NEK1: variants seen among roughly 807,000 people sequenced by gnomAD.
The protein encoded by NEK1 is serine/threonine-protein kinase Nek1.
NEK1 carries 137 observed loss-of-function variants against 182.1 expected under a neutral mutation model. That is an observed-to-expected ratio of 0.75 (90% CI 0.65 to 0.87). The LOEUF (loss-of-function observed/expected upper bound fraction) is 0.87, where lower values mean the gene tolerates loss of function less well. Among genes scored for constraint, NEK1 ranks in the 40% least tolerant of loss-of-function variants. The probability of loss-of-function intolerance (pLI) is 0.00; values close to 1 mark genes in which losing one functional copy is unlikely to be tolerated. For synonymous variants in NEK1, 513 were observed against 492.2 expected, an observed-to-expected ratio of 1.04 and a Z score of -0.56; for missense variants, 1,391 against 1,494.4, an observed-to-expected ratio of 0.93 and a Z score of 1.14.
chr4:169,560,784 A>C (rs1464415236), intron 16 of NEK1, among the ~76,000 whole-genome samples: 1 of 151,638 alleles, frequency 6.6e-6, no homozygotes, highest in African/African-American at 2.4e-5. Context: ...TGGAAAAAAA[A>C]CTTTTTTTTT....
At chr4:169,557,951 A>C (rs536568494) in intron 16 of NEK1, among the ~76,000 whole-genome samples, 1 of 152,216 alleles carries the variant, frequency 6.6e-6, no homozygotes, top group South Asian at 2.1e-4. Context: ...TAAATAAATA[A>C]AATAATAATA....
chr4:169,522,132 T>C (rs1392499319), intron 19 of NEK1, among the ~76,000 whole-genome samples: 1 of 152,238 alleles, frequency 6.6e-6, no homozygotes, highest in African/African-American at 2.4e-5. Flanking sequence ...TTCTATCTTC[T>C]GTCATCATCT....
At chr4:169,477,393 T>TA in intron 25 of NEK1, 39 bp downstream of exon 25, 1 of 1,565,604 alleles carries the variant, frequency 6.4e-7, no homozygotes, top group Non-Finnish European at 8.7e-7. Flanking sequence ...TGTATATCAT[T>TA]AAGTAAAATG....
At chr4:169,587,519 T>A in intron 9 of NEK1, 40 bp downstream of exon 9, 1 of 1,147,268 alleles carries the variant, frequency 8.7e-7, no homozygotes. Context: ...TAGTCGCTTT[T>A]TAACATAACT....
chr4:169,476,338 A>C (rs1165281151), intron 26 of NEK1, among the ~76,000 whole-genome samples: 1 of 152,104 alleles, frequency 6.6e-6, no homozygotes, highest in Non-Finnish European at 1.5e-5. Context: ...GTATTTATCA[A>C]CTACAATTAT....
intron 32 of NEK1, among the ~76,000 whole-genome samples, chr4:169,404,221 A>C (rs547247572): frequency 1.3e-5 from 2 of 152,168 alleles, no homozygotes; most frequent in Non-Finnish European, 2.9e-5. Context: ...ATGTTCTCCA[A>C]TAGGATTAAT....
At chr4:169,481,264 G>A (rs1168972020) in intron 23 of NEK1, among the ~76,000 whole-genome samples, 3 of 152,094 alleles carry the variant, frequency 2.0e-5, no homozygotes, top group Admixed American at 6.6e-5. Context: ...TGTTAATGTT[G>A]ACATTAACAT....
chr4:169,593,350 G>C (rs1459360919), intron 5 of NEK1, among the ~76,000 whole-genome samples: 1 of 152,150 alleles, frequency 6.6e-6, no homozygotes, highest in African/African-American at 2.4e-5. Flanking sequence ...AACAGAGATA[G>C]GGGGCCAAAT....
intron 27 of NEK1, 99 bp downstream of exon 27, chr4:169,463,144 T>C: frequency 1.5e-6 from 1 of 655,048 alleles, no homozygotes; most frequent in Non-Finnish European, 2.2e-6. Context: ...AGAAAGATAA[T>C]TAAAAATAAT....
intron 18 of NEK1, among the ~76,000 whole-genome samples, chr4:169,543,260 CTTGT>C (rs1444413093): frequency 6.6e-6 from 1 of 152,032 alleles, no homozygotes; most frequent in Non-Finnish European, 1.5e-5. Context: ...TTCCCCACCA[CTTGT>C]TTATCGGGTT....
At chr4:169,607,453 A>AT (rs1321408785) in intron 2 of NEK1, among the ~76,000 whole-genome samples, 4 of 151,848 alleles carry the variant, frequency 2.6e-5, no homozygotes, top group Admixed American at 6.6e-5. Context: ...AAGAATTAAA[A>AT]TTTTTTTTTA....
chr4:169,482,558 T>A (rs901012779), intron 23 of NEK1, among the ~76,000 whole-genome samples: 2 of 151,942 alleles, frequency 1.3e-5, no homozygotes, highest in Admixed American at 6.6e-5. Context: ...GCAATTCTCG[T>A]GCCTCAGTCT....
intron 31 of NEK1, among the ~76,000 whole-genome samples, chr4:169,415,424 T>C (rs1341349316): frequency 6.6e-6 from 1 of 152,242 alleles, no homozygotes; most frequent in East Asian, 1.9e-4. Flanking sequence ...TTTATTCCCC[T>C]GAACAATTTA....
At chr4:169,582,420 G>A (rs1766807644) in intron 10 of NEK1, among the ~76,000 whole-genome samples, 1 of 152,118 alleles carries the variant, frequency 6.6e-6, no homozygotes, top group Non-Finnish European at 1.5e-5. Context: ...ATGCCCTCTA[G>A]GTGATTCTGA....
chr4:169,560,462 A>G (rs1762745742), intron 16 of NEK1, among the ~76,000 whole-genome samples: 1 of 152,146 alleles, frequency 6.6e-6, no homozygotes, highest in African/African-American at 2.4e-5. Context: ...AAGGAGTCTT[A>G]TATGTTAACG....
At chr4:169,459,055 A>G (rs898986268) in intron 27 of NEK1, among the ~76,000 whole-genome samples, 1 of 152,032 alleles carries the variant, frequency 6.6e-6, no homozygotes, top group African/African-American at 2.4e-5. Context: ...GAAAAAAAAA[A>G]CCCAATCCAA....
intron 27 of NEK1, among the ~76,000 whole-genome samples, chr4:169,444,789 C>G (rs1740188803): frequency 6.6e-6 from 1 of 152,194 alleles, no homozygotes; most frequent in Non-Finnish European, 1.5e-5. Flanking sequence ...CCAACAGCAG[C>G]AGAATATACA....
intron 24 of NEK1, among the ~76,000 whole-genome samples, chr4:169,478,614 A>G (rs1051084909): frequency 3.9e-5 from 6 of 152,162 alleles, no homozygotes; most frequent in Non-Finnish European, 4.4e-5. Context: ...CCCAAAGGCT[A>G]TAAAAAAAAA....
At chr4:169,464,477 A>C (rs1405313238) in intron 26 of NEK1, among the ~76,000 whole-genome samples, 6 of 152,230 alleles carry the variant, frequency 3.9e-5, no homozygotes, top group Admixed American at 2.0e-4. Flanking sequence ...GGGGATGCTG[A>C]ATAAACCATG....
Sources: allele counts gnomAD v4.1 joint callset (sites outside exome capture counted in the v4.1 genomes callset), GRCh38; gene constraint gnomAD v4.1.1; transcripts MANE v1.5; gene names NCBI Gene and HGNC (gene_info 2026-07-23, HGNC 2026-07-21).